The following BTBD9 variants were observed in gnomAD, a reference collection of about 807,000 sequenced individuals.
BTBD9 encodes BTB domain containing 9.
A neutral mutation model predicts 64.3 loss-of-function variants in BTBD9; 49 were observed. That is an observed-to-expected ratio of 0.76 (90% CI 0.61 to 0.97). The LOEUF (loss-of-function observed/expected upper bound fraction) is 0.97, where lower values mean the gene tolerates loss of function less well. BTBD9 is among the 50% of genes least tolerant of loss of function. The pLI is 0.00. For missense variants in BTBD9, 598 were observed against 762.1 expected (o/e 0.78, Z 2.53); for synonymous variants, 260 against 274.7 (o/e 0.95, Z 0.53).
chr6:38,302,485 G>GTATACATA, intron 7 of BTBD9, among the ~76,000 whole-genome samples: 1 of 106,894 alleles, frequency 9.4e-6, no homozygotes, highest in Non-Finnish European at 1.9e-5. Context: ...TTGTGTGTAT[G>GTATACATA]TATATATATA....
At chr6:38,540,465 CA>C (rs1774222829) in intron 6 of BTBD9, among the ~76,000 whole-genome samples, 1 of 152,176 alleles carries the variant, frequency 6.6e-6, no homozygotes, top group African/African-American at 2.4e-5. Context: ...CAGCATATTA[CA>C]CACTTGCAAA....
intron 6 of BTBD9, among the ~76,000 whole-genome samples, chr6:38,359,038 TG>T (rs1764850500): frequency 6.6e-6 from 1 of 152,180 alleles, no homozygotes; most frequent in Admixed American, 6.5e-5. Flanking sequence ...CCCAAAGTGC[TG>T]GGATTACAGG....
At chr6:38,275,583 T>G (rs1379840180) in intron 8 of BTBD9, among the ~76,000 whole-genome samples, 1 of 150,436 alleles carries the variant, frequency 6.6e-6, no homozygotes, top group Non-Finnish European at 1.5e-5. Context: ...GGGAGAAAAT[T>G]TTTGCAACCT....
intron 9 of BTBD9, among the ~76,000 whole-genome samples, chr6:38,236,351 T>C (rs1763776994): frequency 6.6e-6 from 1 of 152,174 alleles, no homozygotes; most frequent in Admixed American, 6.5e-5. Flanking sequence ...TCATATGACC[T>C]AGACATTTCT....
chr6:38,192,693 T>C (rs553450209), intron 9 of BTBD9, 96 bp from the exon 10 acceptor site: 14 of 1,110,642 alleles, frequency 1.3e-5, no homozygotes, highest in Non-Finnish European at 1.9e-5. Context: ...AGGGAGGGCT[T>C]CCTGTCCTCG....
chr6:38,273,119 TGCTTATGCCTGAACA>T (rs1482140704), intron 8 of BTBD9, among the ~76,000 whole-genome samples: 6 of 152,228 alleles, frequency 3.9e-5, no homozygotes, highest in Non-Finnish European at 8.8e-5. Flanking sequence ...GTTCCCAAGT[TGCTTATGCCTGAACA>T]GCTTCAAACC....
intron 6 of BTBD9, among the ~76,000 whole-genome samples, chr6:38,479,494 GA>G (rs991963902): frequency 9.4e-5 from 14 of 149,732 alleles, no homozygotes; most frequent in South Asian, 6.3e-4. Flanking sequence ...ATCTTTGGAA[GA>G]AAAAAAAAAT....
intron 7 of BTBD9, among the ~76,000 whole-genome samples, chr6:38,291,264 T>A (rs2127557128): frequency 6.6e-6 from 1 of 152,350 alleles, no homozygotes; most frequent in South Asian, 2.1e-4. Flanking sequence ...CAATTGTGAA[T>A]GGGAGTTCAC....
intron 9 of BTBD9, among the ~76,000 whole-genome samples, chr6:38,228,351 C>CAA (rs1554130232): frequency 0.026 from 731 of 28,226 alleles, 17 homozygotes; most frequent in African/African-American, 0.048. Flanking sequence ...TCCCCCCCCC[C>CAA]AAAAAAAAAA....
intron 10 of BTBD9, chr6:38,179,567 C>A (rs767740627): frequency 2.2e-6 from 1 of 456,580 alleles, no homozygotes; most frequent in Non-Finnish European, 4.4e-6. Flanking sequence ...CCAGCAGGTG[C>A]GCCCACAGCG....
At chr6:38,244,057 A>C (rs1764100434) in intron 9 of BTBD9, among the ~76,000 whole-genome samples, 1 of 152,200 alleles carries the variant, frequency 6.6e-6, no homozygotes, top group Non-Finnish European at 1.5e-5. Context: ...TTAAGAAAAT[A>C]AGATCAAAAC....
intron 6 of BTBD9, among the ~76,000 whole-genome samples, chr6:38,527,016 C>T (rs1213798742): frequency 1.3e-5 from 2 of 151,970 alleles, no homozygotes; most frequent in African/African-American, 2.4e-5. Context: ...TGGCTCACGC[C>T]TGTAATCTTA....
At chr6:38,175,314 G>GCCC in intron 10 of BTBD9, 132 bp from the exon 11 acceptor site, 1 of 820,578 alleles carries the variant, frequency 1.2e-6, no homozygotes, top group Non-Finnish European at 1.9e-6. Flanking sequence ...CCTTCCCACT[G>GCCC]CCCACGCCTG....
At chr6:38,575,273 A>C (rs751916411) in intron 6 of BTBD9, among the ~76,000 whole-genome samples, 1 of 152,208 alleles carries the variant, frequency 6.6e-6, no homozygotes, top group Admixed American at 6.5e-5. Flanking sequence ...ACCTGTGCTA[A>C]CATTTATAGA....
chr6:38,218,554 A>G (rs556603245), intron 9 of BTBD9, among the ~76,000 whole-genome samples: 1 of 152,014 alleles, frequency 6.6e-6, no homozygotes, highest in African/African-American at 2.4e-5. Flanking sequence ...CCTGACTTTC[A>G]CTCATTTCTA....
intron 6 of BTBD9, among the ~76,000 whole-genome samples, chr6:38,403,089 G>A (rs901572202): frequency 7.0e-6 from 1 of 142,164 alleles, no homozygotes; most frequent in Non-Finnish European, 1.5e-5. Context: ...GAGGGAAGGG[G>A]AGGGGAAGGG....
intron 6 of BTBD9, among the ~76,000 whole-genome samples, chr6:38,576,092 C>T (rs551051130): frequency 1.1e-4 from 16 of 152,242 alleles, no homozygotes; most frequent in Admixed American, 5.9e-4. Flanking sequence ...AGTCATGTTC[C>T]TGTTGTTTCA....
intron 4 of BTBD9, among the ~76,000 whole-genome samples, chr6:38,589,863 C>T (rs1441857443): frequency 6.6e-6 from 1 of 152,154 alleles, no homozygotes; most frequent in South Asian, 2.1e-4. Flanking sequence ...TCCTCTGTAA[C>T]TCTATTCTAT....
In BTBD9 at chr6:38,594,334, A is replaced by T. The variant is rs763278917; in HGVS notation, c.186-7T>A. 2 of 1,582,080 alleles carry T rather than the reference A, an allele frequency of 1.3e-6. No homozygotes were observed. Among genetic ancestry groups the T allele is most frequent in the South Asian group, 1.2e-5 (1 of 86,564 alleles). On this transcript the variant is annotated splice_polypyrimidine_tract_variant and splice_region_variant and intron_variant, in intron 2 of 10. Transcript: ENST00000481247. ...TCCACCATATAATAATGCTCTGCAC[A>T]TCAGGGAAGAAACACATGAAGAAAC...
Sources: gnomAD v4.1 joint callset for allele counts (sites outside exome capture counted in the v4.1 genomes callset) on GRCh38, gnomAD v4.1.1 for gene constraint, MANE v1.5 for transcripts, NCBI Gene and HGNC (gene_info 2026-07-23, HGNC 2026-07-21) for gene names.